The following PHF24 variants were observed in gnomAD, a reference collection of about 807,000 sequenced individuals.
PHF24 encodes Galpha inhibitory interacting protein.
In PHF24, 25 loss-of-function variants were observed where a neutral mutation model predicts 42.6. That is an observed-to-expected ratio of 0.59 (90% confidence interval 0.43 to 0.82). The LOEUF is 0.82. Among genes scored for constraint, PHF24 ranks in the 40% least tolerant of loss-of-function variants. The pLI is 0.00. For synonymous variants in PHF24, 185 were observed against 204.8 expected (o/e 0.90, Z 0.83); for missense variants, 470 against 538.1 (o/e 0.87, Z 1.25).
the PHF24 span, among the ~76,000 whole-genome samples, chr9:34,845,325 G>A: frequency 6.6e-6 from 1 of 152,036 alleles, no homozygotes; most frequent in Admixed American, 6.6e-5. Flanking sequence ...TTACATTCAA[G>A]GTAATTATTG....
chr9:34,780,290 CTTTT>C, the PHF24 span, among the ~76,000 whole-genome samples: 1 of 113,952 alleles, frequency 8.8e-6, no homozygotes, highest in African/African-American at 3.1e-5. Flanking sequence ...TCTTTTTTTT[CTTTT>C]TTTCTTTTTT....
the PHF24 span, among the ~76,000 whole-genome samples, chr9:34,737,905 A>G: frequency 0.29 from 44,246 of 151,910 alleles, 6,911 homozygotes; most frequent in Admixed American, 0.35. Flanking sequence ...TAACAAATAG[A>G]AGATAGTGTA....
chr9:34,842,230 C>T, the PHF24 span, among the ~76,000 whole-genome samples: 5 of 152,092 alleles, frequency 3.3e-5, no homozygotes, highest in South Asian at 2.1e-4. Context: ...TTTAACCATT[C>T]GGTAGTTGAT....
At chr9:34,747,737 G>A in the PHF24 span, among the ~76,000 whole-genome samples, 1 of 152,138 alleles carries the variant, frequency 6.6e-6, no homozygotes, top group East Asian at 1.9e-4. Flanking sequence ...AAAACTGTTT[G>A]GCAGGATCTG....
chr9:34,918,408 TAA>T, the PHF24 span: 939 of 390,254 alleles, frequency 2.4e-3, no homozygotes, highest in Non-Finnish European at 2.7e-3. Context: ...CCAAGGTCTT[TAA>T]AAAAAAAAAA....
chr9:34,929,983 A>C, the PHF24 span, among the ~76,000 whole-genome samples: 1 of 152,226 alleles, frequency 6.6e-6, no homozygotes, highest in East Asian at 1.9e-4. Context: ...TTCATGCTTA[A>C]TTTGTCTATA....
the PHF24 span, chr9:34,832,691 G>T: frequency 6.5e-7 from 1 of 1,543,336 alleles, no homozygotes. Flanking sequence ...CTGTAAGGCT[G>T]GGCTTCTTTT....
the PHF24 span, chr9:34,889,749 C>T: frequency 2.5e-6 from 1 of 397,304 alleles, no homozygotes; most frequent in Non-Finnish European, 4.4e-6. Flanking sequence ...CCCTGTAAAA[C>T]ATGGCCCTGA....
At chr9:34,782,662 G>C in the PHF24 span, among the ~76,000 whole-genome samples, 1 of 152,144 alleles carries the variant, frequency 6.6e-6, no homozygotes, top group Non-Finnish European at 1.5e-5. Context: ...CTGACTTAGA[G>C]AGGCATTTAT....
At chr9:34,688,706 AG>A in the PHF24 span, among the ~76,000 whole-genome samples, 1 of 152,188 alleles carries the variant, frequency 6.6e-6, no homozygotes. Flanking sequence ...TGGCTGAGAG[AG>A]GAAGGCTGGC....
At chr9:34,903,124 C>T in the PHF24 span, among the ~76,000 whole-genome samples, 1 of 152,056 alleles carries the variant, frequency 6.6e-6, no homozygotes, top group African/African-American at 2.4e-5. Flanking sequence ...AATAACTAGC[C>T]CATCACAGCA....
the PHF24 span, among the ~76,000 whole-genome samples, chr9:34,774,686 T>A: frequency 6.6e-6 from 1 of 152,060 alleles, no homozygotes; most frequent in Non-Finnish European, 1.5e-5. Flanking sequence ...GACAGGAGAA[T>A]CGCTTGAACC....
the PHF24 span, among the ~76,000 whole-genome samples, chr9:34,930,031 T>C: frequency 2.3e-3 from 344 of 152,352 alleles, no homozygotes; most frequent in Non-Finnish European, 4.0e-3. Context: ...TCTGCTGTTA[T>C]AATCATAAAG....
the PHF24 span, among the ~76,000 whole-genome samples, chr9:34,907,738 G>C: frequency 6.6e-6 from 1 of 152,050 alleles, no homozygotes; most frequent in Non-Finnish European, 1.5e-5. Context: ...TTTTTGGATT[G>C]TCTTTGTTTA....
At chr9:34,756,145 G>A in the PHF24 span, among the ~76,000 whole-genome samples, 1 of 152,096 alleles carries the variant, frequency 6.6e-6, no homozygotes, top group African/African-American at 2.4e-5. Flanking sequence ...TGTTGCCCAG[G>A]CTGGAGGGCA....
the PHF24 span, among the ~76,000 whole-genome samples, chr9:34,762,937 C>A: frequency 9.2e-5 from 14 of 152,284 alleles, no homozygotes; most frequent in South Asian, 2.1e-4. Context: ...TTTCCTAGCA[C>A]CATTTATTAA....
chr9:34,856,663 C>T, the PHF24 span, among the ~76,000 whole-genome samples: 81 of 152,262 alleles, frequency 5.3e-4, no homozygotes, highest in Admixed American at 1.5e-3. Context: ...CTAGGAGCTC[C>T]GTCCCAGGGG....
At chr9:34,970,875 T>A (rs1004962550) in intron 1 of PHF24, among the ~76,000 whole-genome samples, 1 of 152,162 alleles carries the variant, frequency 6.6e-6, no homozygotes, top group Non-Finnish European at 1.5e-5. Context: ...TACATTATCC[T>A]TGTAACATCC....
the PHF24 span, among the ~76,000 whole-genome samples, chr9:34,763,969 T>C: frequency 6.6e-6 from 1 of 151,554 alleles, no homozygotes; most frequent in Non-Finnish European, 1.5e-5. Context: ...GTGGTTTTTG[T>C]CTTTGATTCT....
Sources: allele counts gnomAD v4.1 joint callset (sites outside exome capture counted in the v4.1 genomes callset), GRCh38; gene constraint gnomAD v4.1.1; transcripts MANE v1.5; gene names NCBI Gene and HGNC (gene_info 2026-07-23, HGNC 2026-07-21).